The following MMP16 variants were observed in gnomAD, a reference collection of about 807,000 sequenced individuals.
The protein encoded by MMP16 is matrix metalloproteinase-16.
In MMP16, 12 loss-of-function variants were observed where a neutral mutation model predicts 67.8. That is an observed-to-expected ratio of 0.18 (90% CI 0.11 to 0.29). The LOEUF is 0.29. MMP16 is among the 10% of genes least tolerant of loss of function. The pLI is 1.00. For synonymous variants in MMP16, 249 were observed against 255.9 expected (o/e 0.97, Z 0.26); for missense variants, 475 against 765.7 (o/e 0.62, Z 4.48).
At chr8:88,046,537 A>G (rs1001559929) in intron 9 of MMP16, 132 bp downstream of exon 9, 45 of 419,016 alleles carry the variant, frequency 1.1e-4, no homozygotes, top group Non-Finnish European at 1.7e-4. Context: ...AAAAAAGTTC[A>G]TATAAATAGA....
chr8:88,253,666 A>G (rs1175772518), intron 1 of MMP16, among the ~76,000 whole-genome samples: 1 of 151,914 alleles, frequency 6.6e-6, no homozygotes. Context: ...ACACAACTAT[A>G]ATGTCAATAT....
At chr8:88,049,717 A>T (rs1808245615) in intron 8 of MMP16, among the ~76,000 whole-genome samples, 1 of 152,202 alleles carries the variant, frequency 6.6e-6, no homozygotes, top group African/African-American at 2.4e-5. Context: ...TGAGCTTTTA[A>T]ATTCTAACTT....
intron 1 of MMP16, among the ~76,000 whole-genome samples, chr8:88,322,844 C>T (rs1397349008): frequency 4.6e-5 from 7 of 151,836 alleles, no homozygotes; most frequent in East Asian, 1.9e-4. Flanking sequence ...CTGAGTGATC[C>T]GGCCCAGGCA....
At position 88,046,762 on chromosome 8, in the gene MMP16, T is replaced by C; in HGVS notation, c.1396A>G (p.Met466Val). ...GGATAGCCAGGGTCCATTGTTTTCA[T>C]TTCTTCACTATATCTCCAATATCTA... ...GDRYWRYSEE[M>V]KTMDPGYPKP... is the part of the protein sequence containing the mutation. The change falls in exon 9 of 10, where the codon ATG (methionine) becomes GTG (valine). Residue 466 changes from methionine (M) to valine (V), a missense_variant. This residue lies in a region of MMP16 where 195 missense variants were observed against 300.9 expected (regional missense o/e 0.65). Transcript: ENST00000286614. 6.2e-7 allele frequency: 1 copy of C among 1,608,056 alleles called. No individual in the cohort carries two copies. The highest frequency in any genetic ancestry group is 1.1e-5 in the South Asian group (1 of 90,176).
rs1006313322 is a variant in MMP16, at chr8:88,036,042, G to T, written c.*5419C>A. The T allele has an allele frequency of 6.6e-6, 1 of 152,066 alleles. No homozygotes were observed. The highest frequency in any genetic ancestry group is 2.1e-4 in the South Asian group (1 of 4,822). 9.4% of individuals were successfully genotyped at this position (152,066 alleles called of 1,614,324 possible). On this transcript the variant is annotated 3_prime_UTR_variant, in exon 10 of 10. Coordinates refer to ENST00000286614, the MANE Select transcript of MMP16 (RefSeq NM_005941.5). Reference sequence around the variant, plus strand: ...GGCAACTTCTTTGCTACTACGCCAAGTGTCTTAGATTACATGAGTATTGAG... The same window carrying T: ...GGCAACTTCTTTGCTACTACGCCAATTGTCTTAGATTACATGAGTATTGAG...
At chr8:88,159,712 T>G (rs2129676071) in intron 4 of MMP16, among the ~76,000 whole-genome samples, 1 of 152,222 alleles carries the variant, frequency 6.6e-6, no homozygotes, top group South Asian at 2.1e-4. Flanking sequence ...CTTGTGCCAG[T>G]TTTCAAAGGG....
chr8:88,219,263 C>T (rs1329471099), intron 1 of MMP16, among the ~76,000 whole-genome samples: 1 of 151,896 alleles, frequency 6.6e-6, no homozygotes, highest in Non-Finnish European at 1.5e-5. Context: ...GAGCATCGCA[C>T]ATCAGGCAAA....
intron 1 of MMP16, among the ~76,000 whole-genome samples, chr8:88,308,551 T>A (rs1431058818): frequency 4.0e-5 from 6 of 151,670 alleles, no homozygotes; most frequent in Admixed American, 3.9e-4. Context: ...TGAGCAAGAG[T>A]GAGGGAAAGA....
chr8:88,313,941 G>C (rs927621646), intron 1 of MMP16, among the ~76,000 whole-genome samples: 5 of 152,090 alleles, frequency 3.3e-5, no homozygotes, highest in Admixed American at 3.3e-4. Flanking sequence ...GCATAGGAAA[G>C]ACCCGTCCCC....
intron 7 of MMP16, among the ~76,000 whole-genome samples, chr8:88,057,520 G>A (rs1230931137): frequency 6.6e-6 from 1 of 152,044 alleles, no homozygotes; most frequent in South Asian, 2.1e-4. Context: ...ACCTCCTGGG[G>A]TTAATATCTG....
At chr8:88,172,365 G>A (rs1391593072) in intron 3 of MMP16, among the ~76,000 whole-genome samples, 1 of 152,138 alleles carries the variant, frequency 6.6e-6, no homozygotes, top group Non-Finnish European at 1.5e-5. Flanking sequence ...ATACAAGTAT[G>A]CTTCAAAGTT....
chr8:88,085,273 G>C (rs1377657336), intron 6 of MMP16, among the ~76,000 whole-genome samples: 1 of 152,086 alleles, frequency 6.6e-6, no homozygotes, highest in Admixed American at 6.6e-5. Flanking sequence ...AGGCTTAATA[G>C]ATGTGTCTGG....
chr8:88,227,725 T>G (rs1800263449), intron 1 of MMP16, among the ~76,000 whole-genome samples: 1 of 152,178 alleles, frequency 6.6e-6, no homozygotes, highest in African/African-American at 2.4e-5. Context: ...AAAGGACTTC[T>G]GAGACACTGC....
chr8:88,118,587 T>G (rs1809478034), intron 5 of MMP16, 113 bp downstream of exon 5: 9 of 1,014,754 alleles, frequency 8.9e-6, no homozygotes, highest in East Asian at 2.5e-5. Context: ...AGCTACATAC[T>G]TTTTCTGTAG....
chr8:88,088,874 G>A (rs1291661854), intron 6 of MMP16, among the ~76,000 whole-genome samples: 1 of 151,916 alleles, frequency 6.6e-6, no homozygotes, highest in African/African-American at 2.4e-5. Context: ...CATTTTTATG[G>A]GTTTTACCCA....
intron 1 of MMP16, among the ~76,000 whole-genome samples, chr8:88,273,032 A>G (rs1175022532): frequency 2.6e-5 from 4 of 151,334 alleles, no homozygotes; most frequent in South Asian, 2.1e-4. Context: ...AAACAAAAAA[A>G]AAGAAAAAAA....
chr8:88,238,189 G>C (rs1563570688), intron 1 of MMP16, among the ~76,000 whole-genome samples: 1 of 152,052 alleles, frequency 6.6e-6, no homozygotes, highest in Non-Finnish European at 1.5e-5. Flanking sequence ...ATGTATAAGG[G>C]GAAAATACAC....
At chr8:88,127,584 A>G (rs112338280) in intron 4 of MMP16, among the ~76,000 whole-genome samples, 4 of 151,980 alleles carry the variant, frequency 2.6e-5, no homozygotes, top group African/African-American at 9.6e-5. Context: ...TGTAAAGATC[A>G]TTTCATATTT....
intron 1 of MMP16, among the ~76,000 whole-genome samples, chr8:88,290,724 C>T (rs995750402): frequency 1.3e-5 from 2 of 152,008 alleles, no homozygotes; most frequent in Admixed American, 6.6e-5. Flanking sequence ...ACTACAGGAA[C>T]GCACCACCAT....
Sources: gnomAD v4.1 joint callset for allele counts (sites outside exome capture counted in the v4.1 genomes callset) on GRCh38, gnomAD v4.1.1 for gene constraint, gnomAD v4.1.1 regional missense constraint, MANE v1.5 for transcripts, NCBI Gene and HGNC (gene_info 2026-07-23, HGNC 2026-07-21) for gene names.